LRP1B: variants seen among roughly 807,000 people sequenced by gnomAD.
LRP1B encodes low-density lipoprotein receptor-related protein 1B.
In LRP1B, 217 loss-of-function variants were observed where a neutral mutation model predicts 556.6. The ratio of observed to expected loss-of-function variants is 0.39; its 90% CI spans 0.35 to 0.44. LRP1B has a LOEUF of 0.44. Ranked by LOEUF, LRP1B falls within the 20% of genes least tolerant of loss-of-function variation. LRP1B has a pLI of 1.00. For synonymous variants in LRP1B, 2,047 were observed against 1,865.8 expected (o/e 1.10, Z -2.50); for missense variants, 5,053 against 5,620.8 (o/e 0.90, Z 3.23).
At chr2:141,266,139 A>G (rs1299275976) in intron 3 of LRP1B, among the ~76,000 whole-genome samples, 2 of 152,094 alleles carry the variant, frequency 1.3e-5, no homozygotes, top group Non-Finnish European at 2.9e-5. Flanking sequence ...CCTGGCTAAC[A>G]CAGTGAAACC....
At chr2:141,549,796 A>C (rs920253664) in intron 2 of LRP1B, among the ~76,000 whole-genome samples, 9 of 152,138 alleles carry the variant, frequency 5.9e-5, no homozygotes, top group African/African-American at 2.2e-4. Flanking sequence ...AGAGTTCGAG[A>C]CCAGACTGGC....
intron 3 of LRP1B, among the ~76,000 whole-genome samples, chr2:141,309,181 A>G (rs2105445412): frequency 6.6e-6 from 1 of 152,302 alleles, no homozygotes; most frequent in South Asian, 2.1e-4. Context: ...ATTTTCAACT[A>G]TAGATCAGAT....
In LRP1B at chr2:140,702,294, T is replaced by G. The variant is rs1184653233; in HGVS notation, c.6151-2A>C. ...ATCACACCAGTACAATTTATTTTCC[T>G]AAATATCGATTAAGAAGTAACGTTA... On this transcript the variant is annotated splice_acceptor_variant, in intron 38 of 90. Coordinates refer to ENST00000389484, the MANE Select transcript of LRP1B (RefSeq NM_018557.3). LOFTEE classifies it high-confidence loss of function. 6.2e-7 allele frequency: 1 copy of G among 1,612,918 alleles called. No homozygotes were observed. Among genetic ancestry groups the G allele is most frequent in the Non-Finnish European group, 8.5e-7 (1 of 1,179,458 alleles).
intron 7 of LRP1B, among the ~76,000 whole-genome samples, chr2:141,151,669 A>G (rs983319653): frequency 2.0e-5 from 3 of 152,130 alleles, no homozygotes; most frequent in Non-Finnish European, 4.4e-5. Flanking sequence ...AATCCTGCAT[A>G]TATGCTGGGG....
chr2:141,078,619 G>T (rs373868720), intron 7 of LRP1B, among the ~76,000 whole-genome samples: 1 of 41,466 alleles, frequency 2.4e-5, no homozygotes. Context: ...TGCCAAGAGG[G>T]AGAGAGAAAG....
At chr2:140,752,590 G>A (rs939705182) in intron 35 of LRP1B, among the ~76,000 whole-genome samples, 3 of 152,158 alleles carry the variant, frequency 2.0e-5, no homozygotes, top group Admixed American at 2.0e-4. Flanking sequence ...CTCCCAGAGT[G>A]CTGGGATGAC....
intron 35 of LRP1B, among the ~76,000 whole-genome samples, chr2:140,740,914 C>A (rs1559088632): frequency 6.6e-6 from 1 of 152,020 alleles, no homozygotes; most frequent in African/African-American, 2.4e-5. Flanking sequence ...TCAAAAGGCC[C>A]TAATATGGTC....
chr2:140,447,417 C>T (rs1686708548), intron 63 of LRP1B, among the ~76,000 whole-genome samples: 1 of 151,544 alleles, frequency 6.6e-6, no homozygotes. Context: ...TTTCCTAGTA[C>T]ACATAAAAGT....
chr2:140,435,665 G>T (rs1234411477), intron 66 of LRP1B, among the ~76,000 whole-genome samples: 1 of 33,402 alleles, frequency 3.0e-5, no homozygotes, highest in South Asian at 2.3e-3. Flanking sequence ...TTATTGTTAA[G>T]ACAGAAAAAA....
chr2:141,544,337 C>CTTCTT (rs1559131170), intron 2 of LRP1B, among the ~76,000 whole-genome samples: 31 of 67,240 alleles, frequency 4.6e-4, no homozygotes, highest in South Asian at 1.5e-3. Flanking sequence ...TCTTCTTCTT[C>CTTCTT]TTCTTCTTCT....
At chr2:141,656,397 A>C (rs2105387541) in intron 2 of LRP1B, among the ~76,000 whole-genome samples, 1 of 152,240 alleles carries the variant, frequency 6.6e-6, no homozygotes, top group East Asian at 1.9e-4. Context: ...TACTTTCTAA[A>C]AGTATTGTAA....
rs1385722527 is a variant in LRP1B, at chr2:140,899,001, A to T, written c.3766+3919T>A. 3.6e-5 allele frequency: 13 copies of T among 365,750 alleles called. No homozygotes were observed. In the East Asian group the frequency reaches 8.3e-4, roughly 23 times the overall value. 22.7% of individuals were successfully genotyped at this position (365,750 alleles called of 1,614,324 possible). A position where few individuals can be genotyped will look rare whatever the true frequency, so the allele number is the denominator to read the frequency against. ...ACTGTCTTGAGCTCAGCATGCTTTC[A>T]CAGAGCATCTGCAGTGATTGCCAGA... On this transcript the variant is annotated intron_variant, in intron 23 of 90. Coordinates refer to ENST00000389484, the MANE Select transcript of LRP1B (RefSeq NM_018557.3).
At chr2:141,339,666 G>C (rs1687982929) in intron 3 of LRP1B, among the ~76,000 whole-genome samples, 1 of 152,102 alleles carries the variant, frequency 6.6e-6, no homozygotes, top group Non-Finnish European at 1.5e-5. Context: ...ACCAGTCTCA[G>C]TTTGAATGTG....
intron 41 of LRP1B, among the ~76,000 whole-genome samples, chr2:140,636,330 T>C (rs1227629944): frequency 6.6e-6 from 1 of 152,100 alleles, no homozygotes; most frequent in Non-Finnish European, 1.5e-5. Flanking sequence ...ATAATACACA[T>C]TAATTTGAGG....
chr2:140,294,546 C>G (rs1259023750), intron 84 of LRP1B, among the ~76,000 whole-genome samples: 2 of 152,058 alleles, frequency 1.3e-5, no homozygotes, highest in African/African-American at 4.8e-5. Context: ...TGAACAATTT[C>G]AAAAAGCAAA....
intron 58 of LRP1B, 139 bp from the exon 59 acceptor site, chr2:140,485,663 C>A (rs1246518564): frequency 1.7e-6 from 1 of 581,408 alleles, no homozygotes; most frequent in Non-Finnish European, 2.9e-6. Flanking sequence ...GAATAATTGA[C>A]CGCAATACAA....
intron 1 of LRP1B, among the ~76,000 whole-genome samples, chr2:141,823,032 G>C (rs1258488770): frequency 6.6e-6 from 1 of 152,156 alleles, no homozygotes. Flanking sequence ...TGCCTACCCA[G>C]CAGCAGTTTT....
chr2:141,720,778 C>T (rs1356841920), intron 2 of LRP1B, among the ~76,000 whole-genome samples: 1 of 152,040 alleles, frequency 6.6e-6, no homozygotes, highest in Non-Finnish European at 1.5e-5. Context: ...CAACTTTTAT[C>T]ACGAACTATA....
At chr2:141,406,886 T>G (rs1690663272) in intron 3 of LRP1B, among the ~76,000 whole-genome samples, 1 of 152,160 alleles carries the variant, frequency 6.6e-6, no homozygotes, top group Non-Finnish European at 1.5e-5. Flanking sequence ...TATCCTATGA[T>G]GGATCTTCTC....
Sources: allele counts gnomAD v4.1 joint callset (sites outside exome capture counted in the v4.1 genomes callset), GRCh38; gene constraint gnomAD v4.1.1; transcripts MANE v1.5; gene names NCBI Gene and HGNC (gene_info 2026-07-23, HGNC 2026-07-21).